The following TRANK1 variants were observed in gnomAD, a reference collection of about 807,000 sequenced individuals.
TRANK1 encodes the protein TPR and ankyrin repeat-containing protein 1.
A neutral mutation model predicts 266.0 loss-of-function variants in TRANK1; 198 were observed. The observed-to-expected ratio is 0.74, with a 90% CI of 0.66 to 0.84. The LOEUF (loss-of-function observed/expected upper bound fraction) is 0.84, where lower values mean the gene tolerates loss of function less well. Ranked by LOEUF, TRANK1 falls within the 40% of genes least tolerant of loss-of-function variation. The pLI is 0.00. For synonymous variants in TRANK1, 1,396 were observed against 1,384.1 expected (o/e 1.01, Z -0.19); for missense variants, 3,326 against 3,634.6 (o/e 0.92, Z 2.18).
intron 18 of TRANK1, among the ~76,000 whole-genome samples, chr3:36,841,093 T>G (rs2078837385): frequency 6.6e-6 from 1 of 152,234 alleles, no homozygotes; most frequent in Non-Finnish European, 1.5e-5. Context: ...CTGTGGCTTC[T>G]GTTAAGTCCT....
intron 15 of TRANK1, 127 bp downstream of exon 15, chr3:36,851,592 T>C: frequency 7.8e-7 from 1 of 1,281,630 alleles, no homozygotes; most frequent in Non-Finnish European, 1.1e-6. Context: ...GAATGAATGA[T>C]GCTCTAAAAC....
In TRANK1 at chr3:36,833,606, G is replaced by A. The variant is rs2078728541; in HGVS notation, c.5977C>T (p.Leu1993=). 1 of 1,613,878 alleles carries A rather than the reference G, an allele frequency of 6.2e-7. No individual in the cohort carries two copies. Among genetic ancestry groups the A allele is most frequent in the East Asian group, 2.2e-5 (1 of 44,884 alleles). Reference sequence around the variant, plus strand: ...GCCACATTGAGGCGGGCGGCCCCCAGCAGACATGAGGCCTGGAAGTCCTTG... The same window carrying A: ...GCCACATTGAGGCGGGCGGCCCCCAACAGACATGAGGCCTGGAAGTCCTTG... ...ADKDFQASCL[L]GAARLNVARD... is the part of the protein sequence containing the mutation. Residue 1993 remains leucine, a synonymous_variant, in exon 22 of 24, where the codon CTG becomes TTG. Coordinates refer to ENST00000645898, the MANE Select transcript of TRANK1 (RefSeq NM_001329998.2).
intron 1 of TRANK1, among the ~76,000 whole-genome samples, chr3:36,912,639 G>T (rs1226322418): frequency 6.6e-6 from 1 of 152,198 alleles, no homozygotes; most frequent in Admixed American, 6.5e-5. Context: ...GCACTGAGTA[G>T]ATTTTGAAAC....
intron 1 of TRANK1, among the ~76,000 whole-genome samples, chr3:36,939,123 C>T (rs555367269): frequency 2.2e-4 from 33 of 151,404 alleles, no homozygotes; most frequent in Non-Finnish European, 3.8e-4. Flanking sequence ...GGCAACAGAG[C>T]GAAACCCTGT....
Position 36,895,775 on chromosome 3 carries a change from TAATTTA to T in TRANK1, c.434-23_434-18del. On this transcript the variant is annotated intron_variant, in intron 4 of 23. Transcript: ENST00000645898. ...TGGAGTCACCTAAAAGAAAGTTTCA[TAATTTA>T]GGGATTTTAATGTGGGGAAAGTCTA... 1 of 1,500,404 alleles carries T rather than the reference TAATTTA, an allele frequency of 6.7e-7. No individual in the cohort carries two copies. The highest frequency in any genetic ancestry group is 1.2e-5 in the South Asian group (1 of 80,856). 92.9% of individuals were successfully genotyped at this position (1,500,404 alleles called of 1,614,324 possible). A position where few individuals can be genotyped will look rare whatever the true frequency, so the allele number is the denominator to read the frequency against.
chr3:36,932,948 T>A lies in TRANK1; in HGVS notation c.23+11839A>T, dbSNP rs1245024122. 8.5e-5 allele frequency among the ~76,000 whole-genome samples: 13 copies of A among 152,340 alleles called. No homozygotes were observed. In the South Asian group the frequency reaches 2.1e-3, roughly 24 times the overall value. On this transcript the variant is annotated intron_variant, in intron 1 of 23. Transcript: ENST00000645898. ...AGAAAAAATGCAATAAAGTGTGGGA[T>A]ATGATGAGGTTTCTCTTCAAATAGC...
At chr3:36,851,046 A>G in intron 15 of TRANK1, 2 of 985,582 alleles carry the variant, frequency 2.0e-6, no homozygotes, top group Non-Finnish European at 2.4e-6. Context: ...AACGGCTGTG[A>G]GTTGGTAGCT....
rs2079908843 is a variant in TRANK1, at chr3:36,903,169, A to G, written c.262T>C (p.Trp88Arg). 6.5e-6 allele frequency: 10 copies of G among 1,537,238 alleles called. No individual in the cohort carries two copies. The highest frequency in any genetic ancestry group is 8.7e-6 in the Non-Finnish European group (10 of 1,146,880). The change falls in exon 3 of 24, where the codon TGG becomes CGG. Residue 88 changes from tryptophan to arginine, a missense_variant. Trp to Arg is a moderately radical substitution (Grantham distance 101). Transcript: ENST00000645898. ...AFVAAKECLQ[W>R]DPTYVKGYYR... ...CATACCTTCACGTAGGTTGGATCCC[A>G]TTGGAGACATTCCTTGGCAGCAACA...
chr3:36,904,631 A>T (rs2079935700), intron 2 of TRANK1, among the ~76,000 whole-genome samples: 1 of 152,208 alleles, frequency 6.6e-6, no homozygotes, highest in African/African-American at 2.4e-5. Context: ...TAAACAAAGG[A>T]AAAATCACCT....
At chr3:36,886,011 CAGA>C (rs1211281195) in intron 8 of TRANK1, among the ~76,000 whole-genome samples, 2 of 151,642 alleles carry the variant, frequency 1.3e-5, no homozygotes, top group East Asian at 1.9e-4. Flanking sequence ...TGGGAGAAAG[CAGA>C]AGAAGAAGGA....
At chr3:36,847,378 G>A (rs1034789226) in intron 15 of TRANK1, 32 bp from the exon 16 acceptor site, 2 of 1,610,660 alleles carry the variant, frequency 1.2e-6, no homozygotes, top group Non-Finnish European at 1.7e-6. Flanking sequence ...AAGACCAACA[G>A]AATATGCTTT....
Position 36,831,405 on chromosome 3 carries a change from T to G in TRANK1, c.8178A>C (p.Ala2726=), listed in dbSNP as rs1467961118. The G allele has an allele frequency of 1.2e-6, 2 of 1,613,092 alleles. No individual in the cohort carries two copies. The highest frequency in any genetic ancestry group is 2.7e-5 in the African/African-American group (2 of 75,024). ...TGATGCACAGAGACACCACCAGGCATGCCCTCCTCAACTTCCGCTGTATGG... is the reference window on the plus strand; with the variant it reads ...TGATGCACAGAGACACCACCAGGCAGGCCCTCCTCAACTTCCGCTGTATGG... ...KASIQRKLRR[A]CLVVSLCISW... Residue 2726 remains alanine, a synonymous_variant, in exon 22 of 24, where the codon GCA becomes GCC. Transcript: ENST00000645898. This position sits in a 1 kb window ranked among gnomAD's most constrained non-coding sequence, Gnocchi z 5.0.
chr3:36,850,223 C>T, intron 15 of TRANK1: 4 of 985,334 alleles, frequency 4.1e-6, no homozygotes, highest in Non-Finnish European at 4.8e-6. Flanking sequence ...AAAAGTTAGT[C>T]CTCAGAGGTA....
In TRANK1 at chr3:36,830,891, G is replaced by A. The variant is rs746564995; in HGVS notation, c.8692C>T (p.Arg2898Trp). Residue 2898 changes from arginine to tryptophan, a missense_variant, in exon 22 of 24, where the codon CGG becomes TGG. Transcript: ENST00000645898. ...VSDMVEDLYR[R>W]KAWAGAEEAM... ...CCCTTACCGCCAGCCCAGGCCTTCCGCCTGTAGAGGTCCTCCACCATATCC... is the reference window on the plus strand; with the variant it reads ...CCCTTACCGCCAGCCCAGGCCTTCCACCTGTAGAGGTCCTCCACCATATCC... 23 of 1,607,934 alleles carry A rather than the reference G, an allele frequency of 1.4e-5. No homozygotes were observed. The highest frequency in any genetic ancestry group is 2.7e-5 in the African/African-American group (2 of 74,810).
At chr3:36,935,910 G>A (rs1220218225) in intron 1 of TRANK1, among the ~76,000 whole-genome samples, 1 of 152,118 alleles carries the variant, frequency 6.6e-6, no homozygotes, top group Non-Finnish European at 1.5e-5. Context: ...TAAAAGTTTG[G>A]GAGATTTAAT....
At chr3:36,939,526 G>A (rs1382454691) in intron 1 of TRANK1, among the ~76,000 whole-genome samples, 2 of 152,144 alleles carry the variant, frequency 1.3e-5, no homozygotes, top group Middle Eastern at 3.2e-3. Flanking sequence ...TTCCAGGCCT[G>A]GTGTCAGGTG....
intron 1 of TRANK1, among the ~76,000 whole-genome samples, chr3:36,940,478 C>A (rs140821049): frequency 6.8e-6 from 1 of 147,434 alleles, no homozygotes; most frequent in African/African-American, 2.5e-5. Context: ...CCAGCCTGGG[C>A]GACAGAGCGA....
Position 36,899,131 on chromosome 3 carries a change from A to G in TRANK1, c.411T>C (p.Val137=). ...QDQAPVADFL[V]GVFTTMSSDS... The stretch of plus-strand genomic sequence containing the variant: ...TACTGCTCATAGTGGTGAAGACTCC[A>G]ACAAGGAAATCAGCAACCGGTGCCT... The change falls in exon 4 of 24, where the codon GTT becomes GTC. Residue 137 remains valine (V), a synonymous_variant. Coordinates refer to ENST00000645898, the MANE Select transcript of TRANK1 (RefSeq NM_001329998.2). The G allele has an allele frequency of 6.5e-7, 1 of 1,537,282 alleles. No homozygotes were observed. Among genetic ancestry groups the G allele is most frequent in the Non-Finnish European group, 8.7e-7 (1 of 1,146,926 alleles).
intron 10 of TRANK1, among the ~76,000 whole-genome samples, chr3:36,861,846 C>G (rs1382399516): frequency 6.6e-6 from 1 of 151,468 alleles, no homozygotes; most frequent in Non-Finnish European, 1.5e-5. Flanking sequence ...GCTGGGACTA[C>G]AGGCGCCCGC....
Sources: gnomAD v4.1 joint callset for allele counts (sites outside exome capture counted in the v4.1 genomes callset) on GRCh38, gnomAD v4.1.1 for gene constraint, Gnocchi (gnomAD v3.1) non-coding constraint, MANE v1.5 for transcripts, NCBI Gene and HGNC (gene_info 2026-07-23, HGNC 2026-07-21) for gene names.